The following SBF1 variants were observed in gnomAD, a reference collection of about 807,000 sequenced individuals.
The protein encoded by SBF1 is myotubularin-related protein 5.
A neutral mutation model predicts 215.8 loss-of-function variants in SBF1; 65 were observed. That is an observed-to-expected ratio of 0.30 (90% CI 0.25 to 0.37). SBF1 has a LOEUF of 0.37. Ranked by LOEUF, SBF1 falls within the 10% of genes least tolerant of loss-of-function variation. The pLI is 1.00. For synonymous variants in SBF1, 1,410 were observed against 1,122.8 expected, an observed-to-expected ratio of 1.26 and a Z score of -5.11; for missense variants, 2,634 against 2,667.8, an observed-to-expected ratio of 0.99 and a Z score of 0.28.
intron 28 of SBF1, among the ~76,000 whole-genome samples, chr22:50,458,947 CAG>C (rs907738507): frequency 1.4e-4 from 21 of 152,334 alleles, no homozygotes; most frequent in African/African-American, 4.8e-4. Flanking sequence ...AATGGTAAGA[CAG>C]AGCCGCGTAG....
In SBF1 at chr22:50,463,333, C is replaced by T; in HGVS notation, c.1849G>A (p.Asp617Asn). ...LHVQQNRAVL[D>N]HQQFDFVVRM... ...ACGACAAAGTCAAACTGCTGGTGGT[C>T]CAGGACCGCACGGTTCTGCTGCACA... Residue 617 changes from aspartate (D) to asparagine (N), a missense_variant, in exon 16 of 41, where the codon GAC becomes AAC. Transcript: ENST00000380817. The T allele has an allele frequency of 6.2e-7, 1 of 1,612,828 alleles. No individual in the cohort carries two copies. Among genetic ancestry groups the T allele is most frequent in the East Asian group, 2.2e-5 (1 of 44,836 alleles).
rs369314611 is a variant in SBF1 at position 50,462,433 on chromosome 22, G to A, written c.2168C>T (p.Ala723Val). Residue 723 changes from alanine (A) to valine (V), a missense_variant, in exon 19 of 41, where the codon GCC becomes GTC. Physicochemically the swap from Ala to Val is moderately conservative, Grantham distance 64 (BLOSUM62 0). Coordinates refer to ENST00000380817, the MANE Select transcript of SBF1 (RefSeq NM_002972.4). Reference protein sequence around the residue: ...EAPSQEDERSALDVASEQRRL... With the variant: ...EAPSQEDERSVLDVASEQRRL... Reference sequence around the variant, plus strand: ...CCGCTGCTCAGAAGCCACGTCTAGGGCAGAGCGCTCGTCCTCCTGGGAAGG... The same window carrying A: ...CCGCTGCTCAGAAGCCACGTCTAGGACAGAGCGCTCGTCCTCCTGGGAAGG... 1.9e-6 allele frequency: 3 copies of A among 1,613,988 alleles called. No individual in the cohort carries two copies. Among genetic ancestry groups the A allele is most frequent in the East Asian group, 2.2e-5 (1 of 44,888 alleles).
chr22:50,466,175 G>T lies in SBF1; in HGVS notation c.872C>A (p.Ala291Asp). Reference sequence around the variant, plus strand: ...CAGCTCCTGGGTCTCTGCCTGGAAGGCCGCGTTGACCCCAATGATGAAGGG... The same window carrying T: ...CAGCTCCTGGGTCTCTGCCTGGAAGTCCGCGTTGACCCCAATGATGAAGGG... ...PTPFIIGVNAAFQAETQELLD... is the reference protein window; with the variant it reads ...PTPFIIGVNADFQAETQELLD... Residue 291 changes from alanine (A) to aspartate (D), a missense_variant, in exon 8 of 41, where the codon GCC becomes GAC. By Grantham distance (126) the Ala-to-Asp change is moderately radical. Transcript: ENST00000380817. 6.2e-7 allele frequency: 1 copy of T among 1,613,480 alleles called. No homozygotes were observed. The highest frequency in any genetic ancestry group is 1.1e-5 in the South Asian group (1 of 91,086).
intron 8 of SBF1, 29 bp from the exon 9 acceptor site, chr22:50,466,103 G>A: frequency 6.2e-7 from 1 of 1,612,306 alleles, no homozygotes; most frequent in Non-Finnish European, 8.5e-7. Flanking sequence ...GGCAGTCAGG[G>A]ACCTGCAGGC....
At position 50,464,275 on chromosome 22, in the gene SBF1, G is replaced by C. The variant is rs1170610094; in HGVS notation, c.1749+54C>G. The C allele has an allele frequency of 2.9e-6, 4 of 1,400,458 alleles. No individual in the cohort carries two copies. In the East Asian group the frequency reaches 9.2e-5, roughly 32 times the overall value. 86.8% of individuals were successfully genotyped at this position (1,400,458 alleles called of 1,614,324 possible). On this transcript the variant is annotated intron_variant, in intron 15 of 40. Coordinates refer to ENST00000380817, the MANE Select transcript of SBF1 (RefSeq NM_002972.4). ...ACTCACAAGGGTGAAGTGCAGCCTG[G>C]GTCTCCTCTGAAACCCGCTGCCCTG...
chr22:50,459,113 G>C, intron 28 of SBF1, 142 bp downstream of exon 28: 1 of 1,249,496 alleles, frequency 8.0e-7, no homozygotes, highest in Non-Finnish European at 1.1e-6. Flanking sequence ...ACGGCACCCG[G>C]AGGGCATGCT....
At chr22:50,472,477 T>G (rs1286265775) in intron 1 of SBF1, among the ~76,000 whole-genome samples, 1 of 152,168 alleles carries the variant, frequency 6.6e-6, no homozygotes, top group East Asian at 1.9e-4. Flanking sequence ...GCCTGTTGTG[T>G]CTGTGCCTAG....
Position 50,447,336 on chromosome 22 carries a change from T to C in SBF1, c.5569A>G (p.Lys1857Glu). The C allele has an allele frequency of 1.2e-6, 2 of 1,613,982 alleles. No homozygotes were observed. The highest frequency in any genetic ancestry group is 1.7e-6 in the Non-Finnish European group (2 of 1,179,944). Reference protein sequence around the residue: ...TMGAPKTVDEKAFFDVKTTRR... With the variant: ...TMGAPKTVDEEAFFDVKTTRR... ...CCAAGGCTCACGTCAAAGAAGGCCT[T>C]CTCGTCCACAGTCTTAGGGGCACCC... The change falls in exon 40 of 41, where the codon AAG becomes GAG. Residue 1857 changes from lysine to glutamate, a missense_variant. By Grantham distance (56) the Lys-to-Glu change is moderately conservative. Transcript: ENST00000380817.
Position 50,455,507 on chromosome 22 carries a change from C to T in SBF1, c.4342G>A (p.Glu1448Lys), listed in dbSNP as rs761636318. The change falls in exon 32 of 41, where the codon GAG (glutamate) becomes AAG (lysine). Residue 1448 changes from glutamate to lysine, a missense_variant. Glu to Lys is a moderately conservative substitution (Grantham distance 56). Transcript: ENST00000380817. The stretch of plus-strand genomic sequence containing the variant: ...TGGGTGGTGATGTCCCAGCCATCCT[C>T]CAGGCCCACCAGCACGGAGGAGCCT... ...DSGSSVLVGL[E>K]DGWDITTQVV... 2 of 1,606,626 alleles carry T rather than the reference C, an allele frequency of 1.2e-6. No individual in the cohort carries two copies. The highest frequency in any genetic ancestry group is 1.7e-5 in the Admixed American group (1 of 58,744).
intron 29 of SBF1, 80 bp from the exon 30 acceptor site, chr22:50,456,753 G>A: frequency 7.8e-7 from 1 of 1,286,952 alleles, no homozygotes; most frequent in Non-Finnish European, 1.0e-6. Context: ...CGGCCTCCAG[G>A]GAGGGGGCTG....
chr22:50,453,259 C>A (rs945961384), intron 36 of SBF1, among the ~76,000 whole-genome samples: 2 of 152,200 alleles, frequency 1.3e-5, no homozygotes, highest in African/African-American at 2.4e-5. Context: ...ACTCTGTTAG[C>A]ACCAATGAGA....
chr22:50,457,841 A>C (rs903119912), intron 28 of SBF1, among the ~76,000 whole-genome samples: 1 of 152,216 alleles, frequency 6.6e-6, no homozygotes, highest in African/African-American at 2.4e-5. Flanking sequence ...TGAGAGAGGC[A>C]ATGTCCCCTC....
Position 50,459,678 on chromosome 22 carries a change from C to T in SBF1, c.3492-12G>A. 2 of 1,594,952 alleles carry T rather than the reference C, an allele frequency of 1.3e-6. No homozygotes were observed. Among genetic ancestry groups the T allele is most frequent in the African/African-American group, 1.3e-5 (1 of 74,176 alleles). ...GCAGCCCTGGGTAGCTGAGAGGAGGCAGAGGCGTGAAGGTGGCTGGCGACC... is the reference window on the plus strand; with the variant it reads ...GCAGCCCTGGGTAGCTGAGAGGAGGTAGAGGCGTGAAGGTGGCTGGCGACC... On this transcript the variant is annotated splice_polypyrimidine_tract_variant and intron_variant, in intron 26 of 40. Coordinates refer to ENST00000380817, the MANE Select transcript of SBF1 (RefSeq NM_002972.4).
chr22:50,458,481 G>A (rs576938479), intron 28 of SBF1, among the ~76,000 whole-genome samples: 12 of 152,228 alleles, frequency 7.9e-5, no homozygotes, highest in Non-Finnish European at 1.6e-4. Flanking sequence ...AGGCATGGGG[G>A]GTGCAGGGGC....
intron 5 of SBF1, chr22:50,467,065 G>A: frequency 8.5e-6 from 5 of 586,382 alleles, no homozygotes; most frequent in South Asian, 2.0e-5. Context: ...GCACAGGGCA[G>A]GGAGCAGACA....
chr22:50,455,625 C>T (rs2148571459), intron 31 of SBF1, 43 bp from the exon 32 acceptor site: 2 of 1,512,602 alleles, frequency 1.3e-6, no homozygotes, highest in African/African-American at 1.4e-5. Flanking sequence ...ACCCACCGCC[C>T]TCCCGCCTGG....
rs1425501040 is a variant in SBF1 at position 50,466,725 on chromosome 22, G to A, written c.550-15C>T. On this transcript the variant is annotated splice_polypyrimidine_tract_variant and intron_variant, in intron 5 of 40. Coordinates refer to ENST00000380817, the MANE Select transcript of SBF1 (RefSeq NM_002972.4). ...GAGATCGTCCTCTGCAGCAAAAAAA[G>A]GATCGGGGCTCAGTAGTTTGGCCAG... 1 of 1,502,330 alleles carries A rather than the reference G, an allele frequency of 6.7e-7. No individual in the cohort carries two copies. The highest frequency in any genetic ancestry group is 2.2e-5 in the Admixed American group (1 of 46,338). 93.1% of individuals were successfully genotyped at this position (1,502,330 alleles called of 1,614,324 possible).
At position 50,454,665 on chromosome 22, in the gene SBF1, A is replaced by C; in HGVS notation, c.4890T>G (p.Pro1630=). The C allele has an allele frequency of 6.3e-7, 1 of 1,581,676 alleles. No homozygotes were observed. The highest frequency in any genetic ancestry group is 8.6e-7 in the Non-Finnish European group (1 of 1,164,382). The change falls in exon 36 of 41, where the codon CCT becomes CCG. Residue 1630 remains proline, a synonymous_variant. Coordinates refer to ENST00000380817, the MANE Select transcript of SBF1 (RefSeq NM_002972.4). ...CCTGGGCCAGTTCCCAGTCATAGGG[A>C]GGGCCCTCGGCCAGCGTCTCCTCAG... The part of the protein sequence containing the change: ...FYTEETLAEG[P]PYDWELAQGP...
Position 50,461,412 on chromosome 22 carries a change from C to T in SBF1, c.2839+111G>A, listed in dbSNP as rs1254332986. On this transcript the variant is annotated intron_variant, in intron 22 of 40. Transcript: ENST00000380817. The stretch of plus-strand genomic sequence containing the variant: ...GAAGGAGCAGACAAAGGCCCGTTTC[C>T]CACGGGCACCCAGAACCCCCGAGAA... 5.3e-5 allele frequency: 79 copies of T among 1,490,318 alleles called. No individual in the cohort carries two copies. The Admixed American group carries it at 1.7e-3, about 32-fold the overall frequency. The allele number at this position is 1,490,318 out of a possible 1,614,324, so 92.3% of individuals were successfully genotyped here. A position where few individuals can be genotyped will look rare whatever the true frequency, so the allele number is the denominator to read the frequency against.
Sources: allele counts gnomAD v4.1 joint callset (sites outside exome capture counted in the v4.1 genomes callset), GRCh38; gene constraint gnomAD v4.1.1; transcripts MANE v1.5; gene names NCBI Gene and HGNC (gene_info 2026-07-23, HGNC 2026-07-21).